EPHA3: variants seen among roughly 807,000 people sequenced by gnomAD.
EPHA3 encodes EPH receptor A3.
EPHA3 carries 42 observed loss-of-function variants against 107.1 expected under a neutral mutation model. The ratio of observed to expected loss-of-function variants is 0.39; its 90% CI spans 0.31 to 0.51. The LOEUF (loss-of-function observed/expected upper bound fraction) is 0.51, where lower values mean the gene tolerates loss of function less well. Among genes scored for constraint, EPHA3 ranks in the 20% least tolerant of loss-of-function variants. The pLI, the probability that EPHA3 is intolerant of heterozygous loss-of-function variation, is 0.78. For synonymous variants in EPHA3, 461 were observed against 424.8 expected, an observed-to-expected ratio of 1.09 and a Z score of -1.05; for missense variants, 1,183 against 1,211.2, an observed-to-expected ratio of 0.98 and a Z score of 0.35.
intron 2 of EPHA3, among the ~76,000 whole-genome samples, chr3:89,129,572 A>G (rs1704159486): frequency 6.6e-6 from 1 of 151,126 alleles, no homozygotes; most frequent in Non-Finnish European, 1.5e-5. Context: ...ATAAGGAAAT[A>G]TATAGTGCAG....
intron 2 of EPHA3, among the ~76,000 whole-genome samples, chr3:89,142,402 CAG>C (rs1210250502): frequency 6.6e-6 from 1 of 151,182 alleles, no homozygotes; most frequent in Non-Finnish European, 1.5e-5. Context: ...TGTAAATAAA[CAG>C]AGCATGAAAC....
chr3:89,339,096 G>T (rs1490953101), intron 3 of EPHA3, among the ~76,000 whole-genome samples: 1 of 152,178 alleles, frequency 6.6e-6, no homozygotes, highest in Non-Finnish European at 1.5e-5. Context: ...TTGTCGGCCT[G>T]TGGCGGTGAC....
chr3:89,368,820 C>CA (rs1440460147), intron 5 of EPHA3, among the ~76,000 whole-genome samples: 11 of 148,420 alleles, frequency 7.4e-5, no homozygotes, highest in African/African-American at 2.5e-4. Flanking sequence ...CCAGAAAAAA[C>CA]AAAAAACAAA....
At chr3:89,359,376 A>AGATTAAACAGTATG (rs1708038025) in intron 5 of EPHA3, among the ~76,000 whole-genome samples, 2 of 150,834 alleles carry the variant, frequency 1.3e-5, no homozygotes, top group African/African-American at 4.8e-5. Context: ...ATGAAAAGTA[A>AGATTAAACAGTATG]AAACGATTAA....
chr3:89,315,218 A>C (rs1440038444), intron 3 of EPHA3, among the ~76,000 whole-genome samples: 1 of 151,844 alleles, frequency 6.6e-6, no homozygotes, highest in African/African-American at 2.4e-5. Flanking sequence ...TTGTGTGTAT[A>C]CAATGTGTGT....
intron 5 of EPHA3, among the ~76,000 whole-genome samples, chr3:89,356,105 T>C (rs1707948232): frequency 6.7e-6 from 1 of 150,014 alleles, no homozygotes; most frequent in African/African-American, 2.4e-5. Flanking sequence ...GTTCTTGCGA[T>C]AGTTTACTGA....
rs978692194 is a variant in EPHA3, at chr3:89,364,280, T to C, written c.1306+22190T>C. On this transcript the variant is annotated intron_variant, in intron 5 of 16. Coordinates refer to ENST00000336596, the MANE Select transcript of EPHA3 (RefSeq NM_005233.6). ...ATGAAAACTCTCAGCTCAGTGATTT[T>C]TGAAACCAGAATTGCTTAAAATATC... is the stretch of plus-strand genomic sequence containing the variant. Among the ~76,000 whole-genome samples the C allele has an allele frequency of 2.0e-5, 3 of 150,982 alleles. No individual in the cohort carries two copies. The East Asian group carries it at 5.8e-4, about 29-fold the overall frequency.
chr3:89,168,152 G>A (rs919814173), intron 2 of EPHA3, among the ~76,000 whole-genome samples: 16 of 152,122 alleles, frequency 1.1e-4, no homozygotes, highest in African/African-American at 3.4e-4. Flanking sequence ...AGGCCTTGAG[G>A]TAAATTATGC....
intron 3 of EPHA3, among the ~76,000 whole-genome samples, chr3:89,297,815 A>G (rs1335809985): frequency 6.6e-6 from 1 of 152,124 alleles, no homozygotes; most frequent in Non-Finnish European, 1.5e-5. Flanking sequence ...TGGGCAGATC[A>G]CTTGAGGTCA....
chr3:89,301,972 T>C (rs1706502727), intron 3 of EPHA3, among the ~76,000 whole-genome samples: 1 of 152,054 alleles, frequency 6.6e-6, no homozygotes, highest in South Asian at 2.1e-4. Context: ...GAAGGGAAAA[T>C]AAAATAAAAT....
At chr3:89,477,087 T>C (rs55875988) in intron 16 of EPHA3, among the ~76,000 whole-genome samples, 1 of 152,168 alleles carries the variant, frequency 6.6e-6, no homozygotes, top group East Asian at 1.9e-4. Context: ...CGTTTGGGGA[T>C]AAGTGGAGAA....
intron 2 of EPHA3, among the ~76,000 whole-genome samples, chr3:89,184,206 G>C (rs1705509111): frequency 1.3e-5 from 2 of 151,936 alleles, no homozygotes; most frequent in Non-Finnish European, 2.9e-5. Flanking sequence ...TCCCCTAAGG[G>C]AAAATATTTT....
At chr3:89,300,092 G>A (rs919587011) in intron 3 of EPHA3, among the ~76,000 whole-genome samples, 19 of 151,978 alleles carry the variant, frequency 1.3e-4, no homozygotes, top group African/African-American at 4.6e-4. Flanking sequence ...GTACATTTAT[G>A]TCTTCGATAA....
At chr3:89,297,225 A>G (rs1346281990) in intron 3 of EPHA3, among the ~76,000 whole-genome samples, 5 of 152,174 alleles carry the variant, frequency 3.3e-5, no homozygotes, top group Non-Finnish European at 4.4e-5. Context: ...TTTGTCATTA[A>G]GAGGCCTATC....
chr3:89,443,688 A>T (rs978652799), intron 13 of EPHA3, among the ~76,000 whole-genome samples: 1 of 152,184 alleles, frequency 6.6e-6, no homozygotes, highest in Non-Finnish European at 1.5e-5. Context: ...AGTTTTGTAA[A>T]CAGCAGAGGT....
chr3:89,270,905 A>G (rs1051813834), intron 3 of EPHA3, among the ~76,000 whole-genome samples: 4 of 152,144 alleles, frequency 2.6e-5, no homozygotes, highest in African/African-American at 9.7e-5. Context: ...TGTTTATTAA[A>G]TCAGAGTAGA....
At position 89,201,123 on chromosome 3, in the gene EPHA3, A is replaced by C. The variant is rs553987675; in HGVS notation, c.154-8737A>C. On this transcript the variant is annotated intron_variant, in intron 2 of 16. Coordinates refer to ENST00000336596, the MANE Select transcript of EPHA3 (RefSeq NM_005233.6). ...GCTGAGGAGGCCTCAGGAAACTTAC[A>C]ATCATGGCAGAAGGCAAAAGGGAAG... Among the ~76,000 whole-genome samples, 370 of 152,316 alleles carry C rather than the reference A, an allele frequency of 2.4e-3. 2 individuals carry two copies. The highest frequency in any genetic ancestry group is 8.3e-3 in the African/African-American group (345 of 41,568).
chr3:89,359,648 T>C (rs1036347176), intron 5 of EPHA3, among the ~76,000 whole-genome samples: 1 of 149,198 alleles, frequency 6.7e-6, no homozygotes, highest in Non-Finnish European at 1.5e-5. Flanking sequence ...ATTTCTTCTT[T>C]AGATGAACTG....
intron 2 of EPHA3, among the ~76,000 whole-genome samples, chr3:89,157,803 T>C (rs1244037828): frequency 6.7e-6 from 1 of 148,332 alleles, no homozygotes; most frequent in Admixed American, 6.8e-5. Context: ...GTAGGGTAGA[T>C]AGAAAATAAC....
Sources: allele counts gnomAD v4.1 joint callset (sites outside exome capture counted in the v4.1 genomes callset), GRCh38; gene constraint gnomAD v4.1.1; transcripts MANE v1.5; gene names NCBI Gene and HGNC (gene_info 2026-07-23, HGNC 2026-07-21).